ETV6: variants seen among roughly 807,000 people sequenced by gnomAD.
ETV6 encodes the protein transcription factor ETV6.
In ETV6, 16 loss-of-function variants were observed where a neutral mutation model predicts 51.1. The ratio of observed to expected loss-of-function variants is 0.31; its 90% CI spans 0.21 to 0.48. ETV6 has a LOEUF of 0.48. Ranked by LOEUF, ETV6 falls within the 20% of genes least tolerant of loss-of-function variation. ETV6 has a pLI of 0.99. For synonymous variants in ETV6, 240 were observed against 224.1 expected (o/e 1.07, Z -0.64); for missense variants, 458 against 594.8 (o/e 0.77, Z 2.39).
intron 2 of ETV6, among the ~76,000 whole-genome samples, chr12:11,833,246 G>C (rs1946268947): frequency 6.6e-6 from 1 of 152,122 alleles, no homozygotes; most frequent in South Asian, 2.1e-4. Flanking sequence ...ATCATCATGT[G>C]TATAATTTTA....
chr12:11,704,775 T>TTGTG lies in ETV6; in HGVS notation c.34-47656_34-47653dup, dbSNP rs58321366. On this transcript the variant is annotated intron_variant, in intron 1 of 7. Coordinates refer to ENST00000396373, the MANE Select transcript of ETV6 (RefSeq NM_001987.5). ...GGTAGGCAACCATTCTCACAGGGGTTTGTGTGTGTGTGTGTGTGTGTGGGA... is the reference window on the plus strand; with the variant it reads ...GGTAGGCAACCATTCTCACAGGGGTTTGTGTGTGTGTGTGTGTGTGTGTGTGGGA... Among the ~76,000 whole-genome samples, 1,035 of 149,118 alleles carry TTGTG rather than the reference T, an allele frequency of 6.9e-3. 10 individuals carry two copies. The highest frequency in any genetic ancestry group is 0.02 in the African/African-American group (836 of 40,854).
intron 1 of ETV6, among the ~76,000 whole-genome samples, chr12:11,706,130 C>G (rs1865068926): frequency 6.6e-6 from 1 of 152,236 alleles, no homozygotes. Flanking sequence ...ATCAGCCTTG[C>G]ATCTGAGTTC....
intron 1 of ETV6, among the ~76,000 whole-genome samples, chr12:11,734,573 C>T (rs192429180): frequency 1.3e-3 from 194 of 150,708 alleles, no homozygotes; most frequent in African/African-American, 4.6e-3. Context: ...ATCTGTATGT[C>T]TATACATAGG....
intron 3 of ETV6, among the ~76,000 whole-genome samples, chr12:11,849,997 A>C (rs927195079): frequency 4.6e-5 from 7 of 152,166 alleles, no homozygotes; most frequent in Admixed American, 3.9e-4. Context: ...ATGTCTGTGC[A>C]TGGACTGACT....
chr12:11,713,613 C>G (rs1445746481), intron 1 of ETV6, among the ~76,000 whole-genome samples: 1 of 152,148 alleles, frequency 6.6e-6, no homozygotes, highest in Non-Finnish European at 1.5e-5. Flanking sequence ...GTCTTCCACT[C>G]AGGGGGGCTT....
At chr12:11,797,157 C>T (rs1945691518) in intron 2 of ETV6, among the ~76,000 whole-genome samples, 2 of 152,130 alleles carry the variant, frequency 1.3e-5, no homozygotes, top group South Asian at 4.1e-4. Context: ...CTAATCATGC[C>T]TCTCCATTTT....
intron 2 of ETV6, among the ~76,000 whole-genome samples, chr12:11,826,953 T>C (rs571319970): frequency 7.4e-4 from 113 of 152,114 alleles, no homozygotes; most frequent in Non-Finnish European, 1.3e-3. Flanking sequence ...TAATAACTGG[T>C]GAGAAAAAAG....
At chr12:11,719,805 A>G (rs144909623) in intron 1 of ETV6, among the ~76,000 whole-genome samples, 2 of 152,094 alleles carry the variant, frequency 1.3e-5, no homozygotes, top group Non-Finnish European at 2.9e-5. Flanking sequence ...CTGGTAACAG[A>G]CCCTCTGCCT....
In ETV6 at chr12:11,849,287, T is replaced by A. The variant is rs1209056536; in HGVS notation, c.329-4140T>A. On this transcript the variant is annotated intron_variant, in intron 3 of 7. Coordinates refer to ENST00000396373, the MANE Select transcript of ETV6 (RefSeq NM_001987.5). ...CACCACGCCCAACTAATTTTTGTTT[T>A]TTTTGTAGAGATGGGGATCTCACTA... Among the ~76,000 whole-genome samples, 3 of 152,118 alleles carry A rather than the reference T, an allele frequency of 2.0e-5. No individual in the cohort carries two copies. The East Asian group carries it at 5.8e-4, about 29-fold the overall frequency.
chr12:11,759,783 A>AC (rs11404319), intron 2 of ETV6, among the ~76,000 whole-genome samples: 120,994 of 151,988 alleles, frequency 0.8, 49,048 homozygotes, highest in South Asian at 0.96. Flanking sequence ...GTTGGCTTGA[A>AC]TGTGCTTCTC....
At chr12:11,847,322 G>T (rs1159091789) in intron 3 of ETV6, among the ~76,000 whole-genome samples, 1 of 152,196 alleles carries the variant, frequency 6.6e-6, no homozygotes, top group Non-Finnish European at 1.5e-5. Context: ...AATGTGTGGT[G>T]CCTATATGAC....
At chr12:11,806,445 A>C (rs2136411707) in intron 2 of ETV6, among the ~76,000 whole-genome samples, 1 of 152,330 alleles carries the variant, frequency 6.6e-6, no homozygotes, top group South Asian at 2.1e-4. Flanking sequence ...AGGCTAACTG[A>C]GAAGCTTATC....
At chr12:11,863,769 C>T (rs964805716) in intron 4 of ETV6, among the ~76,000 whole-genome samples, 1 of 152,214 alleles carries the variant, frequency 6.6e-6, no homozygotes, top group Non-Finnish European at 1.5e-5. Flanking sequence ...GTTTCCATGC[C>T]CTGCTGCCAA....
intron 1 of ETV6, among the ~76,000 whole-genome samples, chr12:11,668,335 A>T (rs1864235213): frequency 1.4e-5 from 2 of 141,440 alleles, no homozygotes; most frequent in Non-Finnish European, 1.6e-5. Context: ...ACCCAGCAAA[A>T]GCTAACGTAC....
chr12:11,802,391 T>C (rs1348423301), intron 2 of ETV6, among the ~76,000 whole-genome samples: 12 of 152,252 alleles, frequency 7.9e-5, no homozygotes, highest in Non-Finnish European at 1.5e-4. Flanking sequence ...GATGCATTAA[T>C]AGGGCTTTGG....
rs191165897 is a variant in ETV6, at chr12:11,806,124, T to G, written c.164-33016T>G. ...CACATGAAGGCTGGAGTTACTCATATGACAACAACAGCTTATGGGGCCCAA... is the reference window on the plus strand; with the variant it reads ...CACATGAAGGCTGGAGTTACTCATAGGACAACAACAGCTTATGGGGCCCAA... On this transcript the variant is annotated intron_variant, in intron 2 of 7. Transcript: ENST00000396373. Among the ~76,000 whole-genome samples the G allele has an allele frequency of 5.0e-3, 764 of 152,344 alleles. 4 individuals carry two copies. Among genetic ancestry groups the G allele is most frequent in the African/African-American group, 0.018 (731 of 41,586 alleles).
intron 4 of ETV6, among the ~76,000 whole-genome samples, chr12:11,866,235 A>G (rs375382600): frequency 2.0e-5 from 3 of 151,496 alleles, no homozygotes; most frequent in East Asian, 3.9e-4. Context: ...GGCAGCCTGT[A>G]TGTGTCATCA....
At position 11,659,362 on chromosome 12, in the gene ETV6, A is replaced by G. The variant is rs913177782; in HGVS notation, c.33+9202A>G. Among the ~76,000 whole-genome samples the G allele has an allele frequency of 5.9e-5, 9 of 152,192 alleles. No homozygotes were observed. In the East Asian group the frequency reaches 1.7e-3, roughly 29 times the overall value. ...CCCTTTTTTGAGGAATTGTGGAGAA[A>G]ATGTTACCCACCTGTCCCTCCTACC... On this transcript the variant is annotated intron_variant, in intron 1 of 7. Coordinates refer to ENST00000396373, the MANE Select transcript of ETV6 (RefSeq NM_001987.5).
chr12:11,742,110 A>G (rs539353248), intron 1 of ETV6, among the ~76,000 whole-genome samples: 2 of 152,354 alleles, frequency 1.3e-5, no homozygotes, highest in South Asian at 4.1e-4. Context: ...TCTTATGTAA[A>G]ATAAACTGTT....
Sources: allele counts gnomAD v4.1 joint callset (sites outside exome capture counted in the v4.1 genomes callset), GRCh38; gene constraint gnomAD v4.1.1; transcripts MANE v1.5; gene names NCBI Gene and HGNC (gene_info 2026-07-23, HGNC 2026-07-21).